Variants in SLC35F4 observed in about 807,000 individuals in gnomAD.
The protein encoded by SLC35F4 is solute carrier family 35 member F4, also known as chromosome 14 open reading frame 36.
A neutral mutation model predicts 44.2 loss-of-function variants in SLC35F4; 24 were observed. The observed-to-expected ratio is 0.54, with a 90% CI of 0.39 to 0.76. SLC35F4 has a LOEUF of 0.76. Among genes scored for constraint, SLC35F4 ranks in the 30% least tolerant of loss-of-function variants. The probability of loss-of-function intolerance (pLI) is 0.00; values close to 1 mark genes in which losing one functional copy is unlikely to be tolerated. For synonymous variants in SLC35F4, 238 were observed against 223.6 expected (o/e 1.06, Z -0.57); for missense variants, 562 against 586.1 (o/e 0.96, Z 0.42).
chr14:57,897,670 G>A (rs1224249298), intron 1 of SLC35F4, among the ~76,000 whole-genome samples: 3 of 152,032 alleles, frequency 2.0e-5, no homozygotes, highest in Non-Finnish European at 2.9e-5. Flanking sequence ...TTAAAAGGTG[G>A]TTACTCTGTG....
At chr14:57,819,812 C>CA (rs200256387) in intron 1 of SLC35F4, among the ~76,000 whole-genome samples, 20,359 of 107,900 alleles carry the variant, frequency 0.19, 1,755 homozygotes, top group African/African-American at 0.27. Flanking sequence ...GACCCCGTCT[C>CA]AAAAAAAAAA....
chr14:57,652,086 T>A (rs62003993), intron 1 of SLC35F4, among the ~76,000 whole-genome samples: 10,429 of 152,270 alleles, frequency 0.068, 462 homozygotes, highest in South Asian at 0.096. Flanking sequence ...CAACAGGCAG[T>A]CAGGAGTCTC....
chr14:57,582,000 C>T (rs1353707368), intron 3 of SLC35F4, among the ~76,000 whole-genome samples: 1 of 152,106 alleles, frequency 6.6e-6, no homozygotes, highest in East Asian at 1.9e-4. Flanking sequence ...TGTGATAACT[C>T]CCACATGATA....
At chr14:57,793,328 G>C (rs568031206) in intron 1 of SLC35F4, among the ~76,000 whole-genome samples, 2 of 151,782 alleles carry the variant, frequency 1.3e-5, no homozygotes, top group African/African-American at 4.8e-5. Context: ...GTGAAGACTG[G>C]GCTTTTAGTG....
intron 1 of SLC35F4, among the ~76,000 whole-genome samples, chr14:57,677,798 GA>G (rs2074747932): frequency 7.2e-5 from 10 of 139,848 alleles, no homozygotes; most frequent in African/African-American, 2.7e-4. Flanking sequence ...AGAGTTCTCA[GA>G]AATAAAAAAA....
At chr14:57,898,397 TAAG>T (rs1218868102) in intron 1 of SLC35F4, among the ~76,000 whole-genome samples, 1 of 152,216 alleles carries the variant, frequency 6.6e-6, no homozygotes, top group Non-Finnish European at 1.5e-5. Flanking sequence ...TGTCTGAGTT[TAAG>T]AAAGGTGGTA....
At chr14:57,591,551 C>A (rs2070179784) in intron 2 of SLC35F4, among the ~76,000 whole-genome samples, 1 of 152,170 alleles carries the variant, frequency 6.6e-6, no homozygotes, top group African/African-American at 2.4e-5. Context: ...TATTATCATT[C>A]CCACTTCACA....
chr14:57,813,561 T>TA (rs879258777), intron 1 of SLC35F4, among the ~76,000 whole-genome samples: 20 of 151,778 alleles, frequency 1.3e-4, no homozygotes, highest in South Asian at 2.1e-4. Context: ...CTCAAAAAAA[T>TA]AAAAAAAAGT....
At chr14:57,903,345 A>T (rs2141046488) in intron 1 of SLC35F4, among the ~76,000 whole-genome samples, 1 of 152,310 alleles carries the variant, frequency 6.6e-6, no homozygotes, top group East Asian at 1.9e-4. Context: ...GGCAAGCCAG[A>T]CCTCACCTGG....
chr14:57,913,211 T>A (rs7149303), intron 1 of SLC35F4, among the ~76,000 whole-genome samples: 4 of 151,936 alleles, frequency 2.6e-5, no homozygotes, highest in Non-Finnish European at 4.4e-5. Flanking sequence ...TTTTTTTTAA[T>A]TCACTCTGAT....
intron 1 of SLC35F4, among the ~76,000 whole-genome samples, chr14:57,883,720 T>C (rs1263774896): frequency 1.3e-5 from 2 of 152,202 alleles, no homozygotes; most frequent in Non-Finnish European, 2.9e-5. Context: ...ATCTTGAATC[T>C]TCTCTGATAA....
chr14:57,913,968 A>G (rs1889266696), intron 1 of SLC35F4, among the ~76,000 whole-genome samples: 1 of 152,176 alleles, frequency 6.6e-6, no homozygotes, highest in Non-Finnish European at 1.5e-5. Context: ...AGGTTGTTGG[A>G]TATTTTCTGA....
intron 1 of SLC35F4, among the ~76,000 whole-genome samples, chr14:57,749,356 G>A (rs1451696517): frequency 6.6e-6 from 1 of 152,058 alleles, no homozygotes; most frequent in Non-Finnish European, 1.5e-5. Flanking sequence ...AACTTTCATA[G>A]CAATTTGACA....
At chr14:57,922,434 T>C (rs1241233820) in intron 1 of SLC35F4, among the ~76,000 whole-genome samples, 1 of 152,188 alleles carries the variant, frequency 6.6e-6, no homozygotes, top group Non-Finnish European at 1.5e-5. Flanking sequence ...CCCATACAAC[T>C]ACTACTAATT....
chr14:57,787,146 C>T (rs4448848), intron 1 of SLC35F4, among the ~76,000 whole-genome samples: 19,353 of 152,058 alleles, frequency 0.13, 1,390 homozygotes, highest in African/African-American at 0.18. Flanking sequence ...TAGAACTGAA[C>T]AAGTGGAAGA....
At chr14:57,826,553 T>C (rs537740067) in intron 1 of SLC35F4, among the ~76,000 whole-genome samples, 1 of 151,674 alleles carries the variant, frequency 6.6e-6, no homozygotes, top group Non-Finnish European at 1.5e-5. Flanking sequence ...CAAAAGAAAC[T>C]ATCATCAGAG....
intron 1 of SLC35F4, among the ~76,000 whole-genome samples, chr14:57,811,079 G>A (rs2140885305): frequency 6.6e-6 from 1 of 152,314 alleles, no homozygotes; most frequent in South Asian, 2.1e-4. Flanking sequence ...CTAAGCAGGA[G>A]AGGCGACTCA....
chr14:57,740,091 C>G lies in SLC35F4; in HGVS notation c.103+125632G>C, dbSNP rs573968701. Among the ~76,000 whole-genome samples the G allele has an allele frequency of 5.5e-4, 84 of 152,224 alleles. No homozygotes were observed. The South Asian group carries it at 0.015, about 27-fold the overall frequency. On this transcript the variant is annotated intron_variant, in intron 1 of 7. Transcript: ENST00000556826. ...GCCGGGCTGGTCTCTAACTTCTGGC[C>G]TCAAGTGATCCACCTGCCCTGGCCT...
chr14:57,752,748 T>C (rs1452149036), intron 1 of SLC35F4, among the ~76,000 whole-genome samples: 3 of 152,158 alleles, frequency 2.0e-5, no homozygotes, highest in Admixed American at 6.5e-5. Context: ...CGTGAGCCAC[T>C]GCACCTGGCC....
Sources: gnomAD v4.1 joint callset for allele counts (sites outside exome capture counted in the v4.1 genomes callset) on GRCh38, gnomAD v4.1.1 for gene constraint, MANE v1.5 for transcripts, NCBI Gene and HGNC (gene_info 2026-07-23, HGNC 2026-07-21) for gene names.